Variants in GRM8 observed in about 807,000 individuals in gnomAD.
GRM8 encodes the protein glutamate metabotropic receptor 8, also known as metabotropic glutamate receptor 8.
GRM8 carries 47 observed loss-of-function variants against 87.2 expected under a neutral mutation model. The observed-to-expected ratio is 0.54, with a 90% confidence interval of 0.43 to 0.69. GRM8 has a LOEUF of 0.69. GRM8 is among the 30% of genes least tolerant of loss of function. GRM8 has a pLI of 0.00. For synonymous variants in GRM8, 396 were observed against 404.5 expected, an observed-to-expected ratio of 0.98 and a Z score of 0.25; for missense variants, 1,019 against 1,139.2, an observed-to-expected ratio of 0.89 and a Z score of 1.52.
chr7:127,247,778 T>C (rs1798654749), intron 1 of GRM8, among the ~76,000 whole-genome samples: 1 of 152,230 alleles, frequency 6.6e-6, no homozygotes, highest in African/African-American at 2.4e-5. Context: ...CAGCTTCCTA[T>C]TCTGAGATTC....
At chr7:126,699,835 A>G (rs954389850) in intron 7 of GRM8, among the ~76,000 whole-genome samples, 5 of 152,204 alleles carry the variant, frequency 3.3e-5, no homozygotes, top group Non-Finnish European at 7.4e-5. Flanking sequence ...CTCCAGTTGC[A>G]ATGCACATTT....
intron 7 of GRM8, among the ~76,000 whole-genome samples, chr7:126,755,934 A>G (rs934451053): frequency 6.6e-6 from 1 of 152,006 alleles, no homozygotes; most frequent in Non-Finnish European, 1.5e-5. Context: ...CTATGCAGTA[A>G]TATTTTCCAT....
At chr7:127,099,151 G>A (rs1385724927) in intron 3 of GRM8, among the ~76,000 whole-genome samples, 1 of 152,078 alleles carries the variant, frequency 6.6e-6, no homozygotes, top group East Asian at 1.9e-4. Context: ...AGCTTATGAT[G>A]GAAAAGCATG....
At chr7:126,609,952 T>C (rs1391410089) in intron 7 of GRM8, among the ~76,000 whole-genome samples, 1 of 152,196 alleles carries the variant, frequency 6.6e-6, no homozygotes, top group Non-Finnish European at 1.5e-5. Flanking sequence ...CCAAACTCTC[T>C]AAAGCAGTTA....
intron 6 of GRM8, among the ~76,000 whole-genome samples, chr7:126,902,040 T>C (rs1029075437): frequency 3.9e-4 from 59 of 152,324 alleles, no homozygotes; most frequent in African/African-American, 1.3e-3. Flanking sequence ...TCATTATTAT[T>C]TTTAAGCACA....
rs1428963773 is a variant in GRM8 at position 126,602,189 on chromosome 7, A to C, written c.1494+7173T>G. Reference sequence around the variant, plus strand: ...TCCCAGCACCATTTATTAAATAGGGAATCCTTTCCCCATTGCTTGTTTTTC... The same window carrying C: ...TCCCAGCACCATTTATTAAATAGGGCATCCTTTCCCCATTGCTTGTTTTTC... On this transcript the variant is annotated intron_variant, in intron 8 of 10. Transcript: ENST00000339582. 2.4e-3 allele frequency among the ~76,000 whole-genome samples: 342 copies of C among 142,874 alleles called. 1 individual carries two copies. Among genetic ancestry groups the C allele is most frequent in the Non-Finnish European group, 3.9e-3 (253 of 64,780 alleles). The allele number at this position is 142,874 out of a possible 152,430, so 93.7% of individuals were successfully genotyped here. A position where few individuals can be genotyped will look rare whatever the true frequency, so the allele number is the denominator to read the frequency against.
chr7:126,829,001 G>T, intron 6 of GRM8, among the ~76,000 whole-genome samples: 1 of 152,178 alleles, frequency 6.6e-6, no homozygotes, highest in Non-Finnish European at 1.5e-5. Context: ...TTTCCATGTA[G>T]TTGAGAGGTT....
In GRM8 at chr7:126,753,371, C is replaced by T. The variant is rs184356627; in HGVS notation, c.1357+16494G>A. Among the ~76,000 whole-genome samples the T allele has an allele frequency of 1.5e-4, 22 of 143,870 alleles. 1 individual carries two copies. The highest frequency in any genetic ancestry group is 3.5e-3 in the Middle Eastern group (1 of 288). 94.4% of individuals were successfully genotyped at this position (143,870 alleles called of 152,430 possible). On this transcript the variant is annotated intron_variant, in intron 7 of 10. Transcript: ENST00000339582. ...CAATTAGGGCTAATGACAGAATATA[C>T]GCACGCACACACAGGCATATATATA... is the stretch of plus-strand genomic sequence containing the variant.
At chr7:126,732,249 T>A (rs756947475) in intron 7 of GRM8, among the ~76,000 whole-genome samples, 17 of 152,108 alleles carry the variant, frequency 1.1e-4, no homozygotes, top group Non-Finnish European at 2.4e-4. Flanking sequence ...TTAATGATGA[T>A]AAAAGACCAG....
chr7:127,139,634 G>A (rs548491458), intron 2 of GRM8, among the ~76,000 whole-genome samples: 1 of 152,070 alleles, frequency 6.6e-6, no homozygotes, highest in East Asian at 1.9e-4. Context: ...TCTCTCATCA[G>A]CACCCTCCAC....
chr7:127,043,586 A>G (rs1462176581), intron 3 of GRM8, among the ~76,000 whole-genome samples: 1 of 152,120 alleles, frequency 6.6e-6, no homozygotes, highest in Non-Finnish European at 1.5e-5. Flanking sequence ...GGATTCAGGA[A>G]GGGGAACATC....
chr7:126,868,627 G>A (rs564350108), intron 6 of GRM8: 2 of 152,316 alleles, frequency 1.3e-5, no homozygotes, highest in Admixed American at 1.3e-4. Flanking sequence ...CCACAATAAA[G>A]TGAGACACAT....
intron 7 of GRM8, among the ~76,000 whole-genome samples, chr7:126,682,242 C>T (rs1306374526): frequency 1.3e-5 from 2 of 152,176 alleles, no homozygotes; most frequent in Non-Finnish European, 2.9e-5. Context: ...TACTAAATAT[C>T]TGACACACAA....
chr7:127,220,511 G>T (rs945420239), intron 2 of GRM8, among the ~76,000 whole-genome samples: 2 of 152,050 alleles, frequency 1.3e-5, no homozygotes, highest in Non-Finnish European at 2.9e-5. Flanking sequence ...TTGAGACAGG[G>T]TCTTACTCTG....
chr7:126,737,226 C>T (rs1038051608), intron 7 of GRM8, among the ~76,000 whole-genome samples: 1 of 152,014 alleles, frequency 6.6e-6, no homozygotes, highest in South Asian at 2.1e-4. Flanking sequence ...ATTTTCCAGA[C>T]CCTGTACTTG....
chr7:126,720,502 A>G (rs1285127153), intron 7 of GRM8, among the ~76,000 whole-genome samples: 1 of 152,142 alleles, frequency 6.6e-6, no homozygotes, highest in Non-Finnish European at 1.5e-5. Flanking sequence ...CCTTCCTGAC[A>G]AGGGTTTCAT....
intron 1 of GRM8, among the ~76,000 whole-genome samples, chr7:127,248,399 C>T (rs1222553045): frequency 6.6e-6 from 1 of 152,212 alleles, no homozygotes; most frequent in African/African-American, 2.4e-5. Context: ...CATTATGTTC[C>T]TTCCCTTACT....
In GRM8 at chr7:126,506,650, G is replaced by A. The variant is rs917329622; in HGVS notation, c.2430+26302C>T. 2.5e-4 allele frequency among the ~76,000 whole-genome samples: 38 copies of A among 151,806 alleles called. 1 individual carries two copies. The highest frequency in any genetic ancestry group is 9.8e-4 in the East Asian group (5 of 5,100). On this transcript the variant is annotated intron_variant, in intron 9 of 10. Transcript: ENST00000339582. ...CAATAATAGCCAGGCATGGTGGTGC[G>A]CACCTGTAACCCCAGCTACTTGAGA...
chr7:126,819,122 G>A (rs1223765494), intron 6 of GRM8, among the ~76,000 whole-genome samples: 1 of 152,112 alleles, frequency 6.6e-6, no homozygotes, highest in African/African-American at 2.4e-5. Context: ...CTGAACAGGA[G>A]ATCTGTCTTC....
Sources: allele counts gnomAD v4.1 joint callset (sites outside exome capture counted in the v4.1 genomes callset), GRCh38; gene constraint gnomAD v4.1.1; transcripts MANE v1.5; gene names NCBI Gene and HGNC (gene_info 2026-07-23, HGNC 2026-07-21).